The following WNK1 variants were observed in gnomAD, a reference collection of about 807,000 sequenced individuals.
WNK1 encodes the protein WNK lysine deficient protein kinase 1, also known as serine/threonine-protein kinase WNK1.
Under a neutral mutation model 222.8 loss-of-function variants are expected in WNK1, and 38 were observed. The observed-to-expected ratio is 0.17, with a 90% CI of 0.13 to 0.22. The LOEUF (loss-of-function observed/expected upper bound fraction) is 0.22. WNK1 is among the 10% of genes least tolerant of loss of function. The probability of loss-of-function intolerance (pLI) is 1.00; values close to 1 mark genes in which losing one functional copy is unlikely to be tolerated. For missense variants in WNK1, 2,348 were observed against 2,918.4 expected (o/e 0.80, Z 4.50); for synonymous variants, 1,090 against 1,092.9 (o/e 1.00, Z 0.05).
chr12:861,159 C>T lies in WNK1; in HGVS notation c.1767C>T (p.Leu589=). 6.2e-7 allele frequency: 1 copy of T among 1,614,026 alleles called. No homozygotes were observed. Among genetic ancestry groups the T allele is most frequent in the Non-Finnish European group, 8.5e-7 (1 of 1,179,988 alleles). ...AAAAAAAGCAGGAAGAGAGCAGTCT[C>T]AAACAGCAGGTAGAACAATCCAGTG... is the stretch of plus-strand genomic sequence containing the variant. ...QEKKKQEESS[L]KQQVEQSSAS... The change falls in exon 7 of 28, where the codon CTC becomes CTT. Residue 589 remains leucine, a synonymous_variant. Transcript: ENST00000315939.
chr12:885,988 G>T lies in WNK1; in HGVS notation c.5184G>T (p.Val1728=). Residue 1728 remains valine, a synonymous_variant, in exon 19 of 28, where the codon GTG becomes GTT. Coordinates refer to ENST00000315939, the MANE Select transcript of WNK1 (RefSeq NM_018979.4). ...CAGTTGCTTTGCCAGTTACACCAGTGGTCACACCTGGGCAAGTTTCTACCC... is the reference window on the plus strand; with the variant it reads ...CAGTTGCTTTGCCAGTTACACCAGTTGTCACACCTGGGCAAGTTTCTACCC... ...LGTVALPVTP[V]VTPGQVSTPV... The T allele has an allele frequency of 6.3e-7, 1 of 1,591,372 alleles. No homozygotes were observed. Among genetic ancestry groups the T allele is most frequent in the East Asian group, 2.2e-5 (1 of 44,816 alleles).
intron 4 of WNK1, among the ~76,000 whole-genome samples, chr12:847,074 G>A (rs1417064198): frequency 6.6e-6 from 1 of 152,078 alleles, no homozygotes; most frequent in Non-Finnish European, 1.5e-5. Context: ...TCATTATTCT[G>A]CTGTGATTTA....
chr12:901,938 T>C (rs72650772), intron 26 of WNK1, among the ~76,000 whole-genome samples: 10 of 152,102 alleles, frequency 6.6e-5, no homozygotes, highest in African/African-American at 2.4e-4. Context: ...TGCTGGGTCA[T>C]TTAGAATAAT....
chr12:807,119 G>C (rs923291609), intron 1 of WNK1, among the ~76,000 whole-genome samples: 9 of 152,034 alleles, frequency 5.9e-5, no homozygotes, highest in African/African-American at 1.9e-4. Flanking sequence ...GTGGCGGGGT[G>C]GGGGGTTGGT....
In WNK1 at chr12:911,323, G is replaced by A. The variant is rs1418729705; in HGVS notation, c.*2531G>A. The A allele has an allele frequency of 1.8e-5, 7 of 398,254 alleles. No individual in the cohort carries two copies. The highest frequency in any genetic ancestry group is 1.3e-4 in the South Asian group (1 of 7,866). 24.7% of individuals were successfully genotyped at this position (398,254 alleles called of 1,614,324 possible). ...AAACTTTGGGGGTTTCTCAGCAGCC[G>A]TTAATTGTACATTTTGCACTAACTC... On this transcript the variant is annotated 3_prime_UTR_variant, in exon 28 of 28. Coordinates refer to ENST00000315939, the MANE Select transcript of WNK1 (RefSeq NM_018979.4).
chr12:849,716 C>G lies in WNK1; in HGVS notation c.1312-7445C>G, dbSNP rs930679734. On this transcript the variant is annotated intron_variant, in intron 4 of 27. Transcript: ENST00000315939. The stretch of plus-strand genomic sequence containing the variant: ...ATATCTCCTAATGCTATCCCTCCCC[C>G]CTACCCCCACCCCACAACAGGCCCC... Among the ~76,000 whole-genome samples the G allele has an allele frequency of 6.6e-5, 10 of 152,112 alleles. No individual in the cohort carries two copies. In the South Asian group the frequency reaches 2.1e-3, roughly 32 times the overall value.
Position 897,526 on chromosome 12 carries a change from T to C in WNK1, c.6293T>C (p.Ile2098Thr). 1 of 1,613,440 alleles carries C rather than the reference T, an allele frequency of 6.2e-7. No homozygotes were observed. The highest frequency in any genetic ancestry group is 8.5e-7 in the Non-Finnish European group (1 of 1,179,318). Residue 2098 changes from isoleucine to threonine, a missense_variant, in exon 25 of 28, where the codon ATT (isoleucine) becomes ACT (threonine). Around this residue, in one of 13 missense-constraint regions of WNK1, gnomAD observed 1,144 missense variants for 1,273.6 expected, o/e 0.90. Transcript: ENST00000315939. ...CTGCAGAGTCGCCAGAAGCATGAAA[T>C]TGAATCTTTGTATACCAAACTGGGC... ...QDLQSRQKHE[I>T]ESLYTKLGKV...
intron 24 of WNK1, 145 bp from the exon 25 acceptor site, chr12:897,334 C>G: frequency 1.4e-6 from 1 of 700,194 alleles, no homozygotes; most frequent in Non-Finnish European, 2.6e-6. Context: ...AGTTGACAAA[C>G]TAGAATCTCG....
intron 4 of WNK1, among the ~76,000 whole-genome samples, chr12:833,684 T>TATAA (rs1173908913): frequency 6.6e-6 from 1 of 152,222 alleles, no homozygotes; most frequent in Non-Finnish European, 1.5e-5. Context: ...TTATTCTACT[T>TATAA]ATAAATTCAT....
At chr12:858,194 CTT>C (rs112141810) in intron 5 of WNK1, among the ~76,000 whole-genome samples, 13 of 141,916 alleles carry the variant, frequency 9.2e-5, no homozygotes, top group Non-Finnish European at 7.7e-5. Context: ...TGTTTCAACT[CTT>C]TTTTTTTTTT....
intron 4 of WNK1, among the ~76,000 whole-genome samples, chr12:854,355 C>CGTTTT (rs1555127000): frequency 1.0e-5 from 1 of 97,742 alleles, no homozygotes; most frequent in East Asian, 3.6e-4. Flanking sequence ...TTATCATTAT[C>CGTTTT]TTTTTTTTTT....
intron 12 of WNK1, 175 bp from the exon 13 acceptor site, chr12:881,517 C>T: frequency 1.5e-6 from 1 of 658,776 alleles, no homozygotes; most frequent in Non-Finnish European, 2.7e-6. Flanking sequence ...TTAGCAACTT[C>T]CTTTGGAATT....
rs760639803 is a variant in WNK1, at chr12:753,515, C to T, written c.-51C>T. 1.2e-5 allele frequency: 19 copies of T among 1,609,486 alleles called. No homozygotes were observed. Among genetic ancestry groups the T allele is most frequent in the Non-Finnish European group, 1.6e-5 (19 of 1,179,408 alleles). On this transcript the variant is annotated 5_prime_UTR_variant, in exon 1 of 28. Transcript: ENST00000315939. The surrounding 1 kb of genome is among the most constrained non-coding windows in gnomAD (Gnocchi z 5.2). ...GCGCGGGCGGCTCGGCCCTTCACGC[C>T]CTTTTCGTTCACGAATCCGAGCCCG...
In WNK1 at chr12:862,171, A is replaced by G. The variant is rs1951268550; in HGVS notation, c.2040A>G (p.Gln680=). The G allele has an allele frequency of 1.2e-6, 2 of 1,614,148 alleles. No homozygotes were observed. Among genetic ancestry groups the G allele is most frequent in the East Asian group, 2.2e-5 (1 of 44,868 alleles). ...AACAGACAGTTTCATATGGTTCCCA[A>G]CATGAACAGGCACATTCTACAGGCA... ...SSQQTVSYGS[Q]HEQAHSTGTV... The change falls in exon 8 of 28, where the codon CAA becomes CAG. Residue 680 remains glutamine (Q), a synonymous_variant. Coordinates refer to ENST00000315939, the MANE Select transcript of WNK1 (RefSeq NM_018979.4).
Position 885,826 on chromosome 12 carries a change from C to T in WNK1, c.5022C>T (p.Ala1674=). ...SEHSSSGAQH[A]SVSLETSLVI... is the part of the protein sequence containing the mutation. ...ACAGCTCATCTGGAGCTCAGCATGC[C>T]TCTGTCTCACTGGAGACCTCACTAG... The change falls in exon 19 of 28, where the codon GCC becomes GCT. Residue 1674 remains alanine, a synonymous_variant. Coordinates refer to ENST00000315939, the MANE Select transcript of WNK1 (RefSeq NM_018979.4). The T allele has an allele frequency of 6.2e-7, 1 of 1,614,224 alleles. No homozygotes were observed. The highest frequency in any genetic ancestry group is 8.5e-7 in the Non-Finnish European group (1 of 1,180,050).
intron 9 of WNK1, chr12:877,891 T>C (rs1952773200): frequency 2.8e-6 from 1 of 355,064 alleles, no homozygotes; most frequent in Non-Finnish European, 5.3e-6. Flanking sequence ...AGGGATGGGA[T>C]GGGGAAAGGA....
chr12:819,483 C>T (rs976578498), intron 2 of WNK1, among the ~76,000 whole-genome samples: 2 of 152,116 alleles, frequency 1.3e-5, no homozygotes, highest in African/African-American at 4.8e-5. Flanking sequence ...CATGTTGGTG[C>T]TCAAGTTCAG....
chr12:783,205 A>G (rs1233334703), intron 1 of WNK1, among the ~76,000 whole-genome samples: 6 of 152,122 alleles, frequency 3.9e-5, no homozygotes, highest in Non-Finnish European at 8.8e-5. Flanking sequence ...GTGAGCCACC[A>G]TCCTGGCCTA....
At chr12:878,106 AATC>A in intron 9 of WNK1, 103 bp from the exon 10 acceptor site, 6 of 1,441,274 alleles carry the variant, frequency 4.2e-6, no homozygotes, top group South Asian at 1.2e-5. Flanking sequence ...TGATTACTAA[AATC>A]ATCATTATTT....
Sources: allele counts gnomAD v4.1 joint callset (sites outside exome capture counted in the v4.1 genomes callset), GRCh38; gene constraint gnomAD v4.1.1; regional missense constraint gnomAD v4.1.1; non-coding constraint Gnocchi (gnomAD v3.1); transcripts MANE v1.5; gene names NCBI Gene and HGNC (gene_info 2026-07-23, HGNC 2026-07-21).